Variants in NET1 observed in about 807,000 individuals in gnomAD.
The protein encoded by NET1 is neuroepithelial cell-transforming gene 1 protein.
A neutral mutation model predicts 61.1 loss-of-function variants in NET1; 42 were observed. That is an observed-to-expected ratio of 0.69 (90% CI 0.54 to 0.89). NET1 has a LOEUF of 0.89. NET1 is among the 40% of genes least tolerant of loss of function. NET1 has a pLI of 0.00. For missense variants in NET1, 654 were observed against 747.3 expected, an observed-to-expected ratio of 0.88 and a Z score of 1.46; for synonymous variants, 254 against 281.8, an observed-to-expected ratio of 0.90 and a Z score of 0.99.
Position 5,456,217 on chromosome 10 carries a change from A to G in NET1, c.1328A>G (p.Asp443Gly). The G allele has an allele frequency of 6.2e-7, 1 of 1,614,176 alleles. No individual in the cohort carries two copies. The highest frequency in any genetic ancestry group is 8.5e-7 in the Non-Finnish European group (1 of 1,180,010). The change falls in exon 11 of 12, where the codon GAT becomes GGT. Residue 443 changes from aspartate (D) to glycine (G), a missense_variant. Transcript: ENST00000355029. The surrounding 1 kb of genome is among the most constrained non-coding windows in gnomAD (Gnocchi z 7.0). ...VQELVLEDLQ[D>G]GDVRMGGSFR... Reference sequence around the variant, plus strand: ...GAGCTAGTCCTAGAAGACCTGCAGGATGGAGATGTGAGAATGGGAGGCTCC... The same window carrying G: ...GAGCTAGTCCTAGAAGACCTGCAGGGTGGAGATGTGAGAATGGGAGGCTCC...
At position 5,453,471 on chromosome 10, in the gene NET1, T is replaced by G. The variant is rs1477891849; in HGVS notation, c.692-13T>G. The G allele has an allele frequency of 1.9e-6, 3 of 1,614,008 alleles. No homozygotes were observed. Among genetic ancestry groups the G allele is most frequent in the African/African-American group, 2.7e-5 (2 of 75,070 alleles). On this transcript the variant is annotated splice_polypyrimidine_tract_variant and intron_variant, in intron 7 of 11. Coordinates refer to ENST00000355029, the MANE Select transcript of NET1 (RefSeq NM_001047160.3). The surrounding 1 kb of genome is among the most constrained non-coding windows in gnomAD (Gnocchi z 4.9). ...AACCTGTTAATGGTGTTTATGCTTT[T>G]TTATCACTTCAGATTTGTTGACAAG...
chr10:5,418,905 C>T (rs1340075608), intron 1 of NET1, among the ~76,000 whole-genome samples: 1 of 152,106 alleles, frequency 6.6e-6, no homozygotes, highest in Non-Finnish European at 1.5e-5. Context: ...TTCTTTTTGA[C>T]TTCTTTGAGC....
rs1832235272 is a variant in NET1, at chr10:5,424,923, A to T, written c.129-1732A>T. Reference sequence around the variant, plus strand: ...TAAGCAATATTAGAGCTGCCTCCCAACTGAGCAGTCTTGCCTTCTTACAAT... The same window carrying T: ...TAAGCAATATTAGAGCTGCCTCCCATCTGAGCAGTCTTGCCTTCTTACAAT... On this transcript the variant is annotated intron_variant, in intron 1 of 11. Coordinates refer to ENST00000355029, the MANE Select transcript of NET1 (RefSeq NM_001047160.3). The surrounding 1 kb of genome is among the most constrained non-coding windows in gnomAD (Gnocchi z 6.1). Among the ~76,000 whole-genome samples the T allele has an allele frequency of 6.6e-6, 1 of 152,126 alleles. No individual in the cohort carries two copies.
In NET1 at chr10:5,426,589, T is replaced by G. The variant is rs565248936; in HGVS notation, c.129-66T>G. 8.0e-7 allele frequency: 1 copy of G among 1,248,132 alleles called. No individual in the cohort carries two copies. Among genetic ancestry groups the G allele is most frequent in the African/African-American group, 1.5e-5 (1 of 65,962 alleles). The allele number at this position is 1,248,132 out of a possible 1,614,324, so 77.3% of individuals were successfully genotyped here. On this transcript the variant is annotated intron_variant, in intron 1 of 11. Coordinates refer to ENST00000355029, the MANE Select transcript of NET1 (RefSeq NM_001047160.3). The surrounding 1 kb of genome is among the most constrained non-coding windows in gnomAD (Gnocchi z 4.6). ...AAAGTATGAAAAGTATAGCTTTTTA[T>G]CTGTTTGATGCTCTATTATGCTAAA...
chr10:5,419,161 G>T (rs1041717121), intron 1 of NET1, among the ~76,000 whole-genome samples: 5 of 151,988 alleles, frequency 3.3e-5, no homozygotes, highest in South Asian at 2.1e-4. Context: ...TCTTTGAAAG[G>T]CCATTTTGTT....
In NET1 at chr10:5,435,407, A is replaced by G. The variant is rs1478412343; in HGVS notation, c.255+6178A>G. On this transcript the variant is annotated intron_variant, in intron 3 of 11. Coordinates refer to ENST00000355029, the MANE Select transcript of NET1 (RefSeq NM_001047160.3). The surrounding 1 kb of genome is among the most constrained non-coding windows in gnomAD (Gnocchi z 5.0). ...AGTTTTTATGTAATAAGCTAAACAT[A>G]ATCTGTTAGTACAATTATTTGATGC... Among the ~76,000 whole-genome samples, 1 of 152,192 alleles carries G rather than the reference A, an allele frequency of 6.6e-6. No individual in the cohort carries two copies. Among genetic ancestry groups the G allele is most frequent in the African/African-American group, 2.4e-5 (1 of 41,430 alleles).
chr10:5,453,574 T>A lies in NET1; in HGVS notation c.768+14T>A. The A allele has an allele frequency of 6.2e-7, 1 of 1,611,010 alleles. No homozygotes were observed. The highest frequency in any genetic ancestry group is 1.1e-5 in the South Asian group (1 of 91,016). On this transcript the variant is annotated intron_variant, in intron 8 of 11. Coordinates refer to ENST00000355029, the MANE Select transcript of NET1 (RefSeq NM_001047160.3). The surrounding 1 kb of genome is among the most constrained non-coding windows in gnomAD (Gnocchi z 4.9). ...CTCGTGAGCTGGGTATGTAGTGAGT[T>A]GTTGACCCCAGATACAGTTTCTTAC... is the stretch of plus-strand genomic sequence containing the variant.
At chr10:5,430,151 A>G (rs1832325365) in intron 3 of NET1, among the ~76,000 whole-genome samples, 1 of 152,134 alleles carries the variant, frequency 6.6e-6, no homozygotes, top group South Asian at 2.1e-4. Flanking sequence ...TCTTGTATTC[A>G]AAAAAAGAAA....
intron 3 of NET1, among the ~76,000 whole-genome samples, chr10:5,430,623 T>C (rs908936879): frequency 3.2e-4 from 49 of 152,264 alleles, no homozygotes; most frequent in Admixed American, 2.8e-3. Context: ...CACAAAGTGC[T>C]GGGATTACAG....
At position 5,443,960 on chromosome 10, in the gene NET1, G is replaced by A. The variant is rs1832564564; in HGVS notation, c.256-7870G>A. 2.6e-5 allele frequency among the ~76,000 whole-genome samples: 4 copies of A among 152,166 alleles called. No individual in the cohort carries two copies. The highest frequency in any genetic ancestry group is 2.1e-4 in the South Asian group (1 of 4,836). ...TTATTCCCTTAGAAACTATGTGGCC[G>A]TAAAGTATTGGCCTTACTTACGCCA... On this transcript the variant is annotated intron_variant, in intron 3 of 11. Coordinates refer to ENST00000355029, the MANE Select transcript of NET1 (RefSeq NM_001047160.3). The surrounding 1 kb of genome is among the most constrained non-coding windows in gnomAD (Gnocchi z 4.8).
chr10:5,429,790 T>C (rs922879703), intron 3 of NET1, among the ~76,000 whole-genome samples: 3 of 152,198 alleles, frequency 2.0e-5, no homozygotes, highest in Non-Finnish European at 4.4e-5. Context: ...TGTACTTAAG[T>C]CCAAAAACCT....
Position 5,454,984 on chromosome 10 carries a change from T to C in NET1, c.1063T>C (p.Leu355=). The change falls in exon 10 of 12, where the codon TTG becomes CTG. Residue 355 remains leucine, a synonymous_variant. Transcript: ENST00000355029. The surrounding 1 kb of genome is among the most constrained non-coding windows in gnomAD (Gnocchi z 8.1). ...IIQGVLSDIN[L]KKGESECQYY... Reference sequence around the variant, plus strand: ...ACAGGGAGTCCTCTCTGATATCAACTTGAAGAAAGGTGAATCCGAGTGCCA... The same window carrying C: ...ACAGGGAGTCCTCTCTGATATCAACCTGAAGAAAGGTGAATCCGAGTGCCA... 2.5e-6 allele frequency: 4 copies of C among 1,614,134 alleles called. No homozygotes were observed. The highest frequency in any genetic ancestry group is 3.4e-6 in the Non-Finnish European group (4 of 1,180,010).
intron 3 of NET1, among the ~76,000 whole-genome samples, chr10:5,448,432 A>T (rs1832651577): frequency 6.6e-6 from 1 of 152,242 alleles, no homozygotes; most frequent in Non-Finnish European, 1.5e-5. Flanking sequence ...TGGATTACTA[A>T]CATTAATTAA....
In NET1 at chr10:5,422,058, G is replaced by A. The variant is rs1442122476; in HGVS notation, c.129-4597G>A. On this transcript the variant is annotated intron_variant, in intron 1 of 11. Transcript: ENST00000355029. This position sits in a 1 kb window ranked among gnomAD's most constrained non-coding sequence, Gnocchi z 4.1. ...TGAACATTTGCATGTAAGTCTTAGT[G>A]TAGGCTGGGCGCGGTGGCTCACGCC... Among the ~76,000 whole-genome samples, 4 of 152,208 alleles carry A rather than the reference G, an allele frequency of 2.6e-5. No homozygotes were observed. The highest frequency in any genetic ancestry group is 9.7e-5 in the African/African-American group (4 of 41,446).
chr10:5,458,200 G>C lies in NET1; in HGVS notation c.*1206G>C, dbSNP rs976274673. On this transcript the variant is annotated 3_prime_UTR_variant, in exon 12 of 12. Transcript: ENST00000355029. The surrounding 1 kb of genome is among the most constrained non-coding windows in gnomAD (Gnocchi z 4.5). ...TGACCATATTAGATAAATTTTCGTGGATTTAGTCATAAGATGGAAAAAGAC... is the reference window on the plus strand; with the variant it reads ...TGACCATATTAGATAAATTTTCGTGCATTTAGTCATAAGATGGAAAAAGAC... 1.2e-3 allele frequency: 176 copies of C among 152,100 alleles called. No individual in the cohort carries two copies. The highest frequency in any genetic ancestry group is 4.0e-3 in the African/African-American group (167 of 41,412). The allele number at this position is 152,100 out of a possible 1,614,324, so 9.4% of individuals were successfully genotyped here.
rs991035717 is a variant in NET1 at position 5,420,837 on chromosome 10, G to T, written c.129-5818G>T. 1.3e-5 allele frequency among the ~76,000 whole-genome samples: 2 copies of T among 151,892 alleles called. No individual in the cohort carries two copies. Among genetic ancestry groups the T allele is most frequent in the Non-Finnish European group, 2.9e-5 (2 of 67,968 alleles). On this transcript the variant is annotated intron_variant, in intron 1 of 11. Transcript: ENST00000355029. This position sits in a 1 kb window ranked among gnomAD's most constrained non-coding sequence, Gnocchi z 5.3. ...TTTTGATCTCCTGACCTCGTGAACC[G>T]CCCACCTTGACCTCCCAAAGTGCTG...
chr10:5,457,648 T>C lies in NET1; in HGVS notation c.*654T>C, dbSNP rs983293012. 9.8e-5 allele frequency: 15 copies of C among 152,722 alleles called. No individual in the cohort carries two copies. The highest frequency in any genetic ancestry group is 3.6e-4 in the African/African-American group (15 of 41,576). The allele number at this position is 152,722 out of a possible 1,614,324, so 9.5% of individuals were successfully genotyped here. ...TAGCATTTGCTTTTATTTTTTTACT[T>C]TGATGCCTTTTCAAATTGGCATGTC... On this transcript the variant is annotated 3_prime_UTR_variant, in exon 12 of 12. Transcript: ENST00000355029. This position sits in a 1 kb window ranked among gnomAD's most constrained non-coding sequence, Gnocchi z 5.4.
In NET1 at chr10:5,455,779, G is replaced by A. The variant is rs1369004037; in HGVS notation, c.1198-308G>A. Among the ~76,000 whole-genome samples the A allele has an allele frequency of 3.3e-5, 5 of 152,142 alleles. No homozygotes were observed. Among genetic ancestry groups the A allele is most frequent in the African/African-American group, 4.8e-5 (2 of 41,424 alleles). ...GTGTTAGAAAACTGTGGTATACAAC[G>A]CTAGTGTTTCAAGTCATGTTGCTAC... is the stretch of plus-strand genomic sequence containing the variant. On this transcript the variant is annotated intron_variant, in intron 10 of 11. Coordinates refer to ENST00000355029, the MANE Select transcript of NET1 (RefSeq NM_001047160.3). The surrounding 1 kb of genome is among the most constrained non-coding windows in gnomAD (Gnocchi z 6.5).
Position 5,454,232 on chromosome 10 carries a change from ACAC to A in NET1, c.769-32_769-30del, listed in dbSNP as rs747070645. 3 of 1,591,304 alleles carry A rather than the reference ACAC, an allele frequency of 1.9e-6. No homozygotes were observed. In the East Asian group the frequency reaches 6.7e-5, roughly 36 times the overall value. The stretch of plus-strand genomic sequence containing the variant: ...GTTAATGCACTCGGTCATAACAGGA[ACAC>A]ATCATACCTTTTCTTTTATTACTCT... On this transcript the variant is annotated intron_variant, in intron 8 of 11. Transcript: ENST00000355029. The surrounding 1 kb of genome is among the most constrained non-coding windows in gnomAD (Gnocchi z 8.1).
Sources: allele counts gnomAD v4.1 joint callset (sites outside exome capture counted in the v4.1 genomes callset), GRCh38; gene constraint gnomAD v4.1.1; non-coding constraint Gnocchi (gnomAD v3.1); transcripts MANE v1.5; gene names NCBI Gene and HGNC (gene_info 2026-07-23, HGNC 2026-07-21).